The following MAGI2 variants were observed in gnomAD, a reference collection of about 807,000 sequenced individuals.
MAGI2 encodes membrane associated guanylate kinase, WW and PDZ domain containing 2, also known as membrane-associated guanylate kinase, WW and PDZ domain-containing protein 2.
MAGI2 carries 35 observed loss-of-function variants against 133.3 expected under a neutral mutation model. The observed-to-expected ratio is 0.26, with a 90% CI of 0.20 to 0.35. The LOEUF is 0.35. Ranked by LOEUF, MAGI2 falls within the 10% of genes least tolerant of loss-of-function variation. The pLI, the probability that MAGI2 is intolerant of heterozygous loss-of-function variation, is 1.00. For missense variants in MAGI2, 1,636 were observed against 1,863.4 expected (o/e 0.88, Z 2.25); for synonymous variants, 729 against 710.6 (o/e 1.03, Z -0.41).
chr7:78,201,010 T>C (rs1197525360), intron 11 of MAGI2, 152 bp downstream of exon 11: 2 of 564,644 alleles, frequency 3.5e-6, no homozygotes, highest in Non-Finnish European at 3.1e-6. Context: ...GTGGGACAGA[T>C]ACAAGACAAA....
At chr7:78,423,810 A>T (rs1277553802) in intron 6 of MAGI2, among the ~76,000 whole-genome samples, 2 of 152,190 alleles carry the variant, frequency 1.3e-5, no homozygotes, top group African/African-American at 2.4e-5. Context: ...GAGAGAGATG[A>T]TTTAGGATAT....
chr7:78,839,938 G>A (rs546734485), intron 2 of MAGI2, among the ~76,000 whole-genome samples: 1 of 152,146 alleles, frequency 6.6e-6, no homozygotes, highest in African/African-American at 2.4e-5. Context: ...AATTGTCAAA[G>A]ATGTCATTAA....
chr7:78,748,749 T>C (rs1444692588), intron 2 of MAGI2, among the ~76,000 whole-genome samples: 1 of 137,950 alleles, frequency 7.2e-6, no homozygotes, highest in African/African-American at 2.7e-5. Flanking sequence ...ATGAAAGATT[T>C]CAAATACATT....
chr7:78,071,631 G>C (rs953111496), intron 21 of MAGI2, among the ~76,000 whole-genome samples: 4 of 152,162 alleles, frequency 2.6e-5, no homozygotes, highest in Admixed American at 2.0e-4. Context: ...TCCTGGGGTT[G>C]CCTACATGCT....
At chr7:78,550,539 A>C (rs1799244938) in intron 3 of MAGI2, among the ~76,000 whole-genome samples, 1 of 152,204 alleles carries the variant, frequency 6.6e-6, no homozygotes, top group African/African-American at 2.4e-5. Flanking sequence ...AATAAGCCAG[A>C]CAGATAGAAG....
chr7:78,577,860 G>A (rs7794223), intron 3 of MAGI2, among the ~76,000 whole-genome samples: 13,530 of 152,092 alleles, frequency 0.089, 731 homozygotes, highest in African/African-American at 0.14. Context: ...TGATGGCTTA[G>A]CTTGGGCTCA....
intron 2 of MAGI2, among the ~76,000 whole-genome samples, chr7:78,954,274 GT>G (rs1276791599): frequency 6.6e-6 from 1 of 152,018 alleles, no homozygotes; most frequent in Non-Finnish European, 1.5e-5. Flanking sequence ...CATTTGGCAT[GT>G]TTCTGTAATA....
chr7:78,921,747 T>G (rs1799244958), intron 2 of MAGI2, among the ~76,000 whole-genome samples: 1 of 152,094 alleles, frequency 6.6e-6, no homozygotes, highest in Admixed American at 6.6e-5. Context: ...TTCTCATGCC[T>G]CAGCCTCCCG....
intron 2 of MAGI2, among the ~76,000 whole-genome samples, chr7:78,735,536 A>G (rs180783080): frequency 2.0e-5 from 3 of 152,322 alleles, no homozygotes; most frequent in Admixed American, 6.5e-5. Context: ...TCCTTGTTCC[A>G]TCTTAGAAAT....
rs149604397 is a variant in MAGI2 at position 78,401,031 on chromosome 7, C to A, written c.1046-31818G>T. ...TCTTACATGACAATTCACATGTCAG[C>A]TTCTATCTAGAATGGTTTCTTATTT... On this transcript the variant is annotated intron_variant, in intron 6 of 21. Coordinates refer to ENST00000354212, the MANE Select transcript of MAGI2 (RefSeq NM_012301.4). Among the ~76,000 whole-genome samples the A allele has an allele frequency of 2.4e-3, 364 of 151,382 alleles. 1 individual carries two copies. Among genetic ancestry groups the A allele is most frequent in the African/African-American group, 8.4e-3 (347 of 41,256 alleles).
intron 3 of MAGI2, among the ~76,000 whole-genome samples, chr7:78,579,300 G>A (rs549354649): frequency 3.3e-5 from 5 of 152,134 alleles, no homozygotes; most frequent in Non-Finnish European, 7.4e-5. Flanking sequence ...CATATCAGAT[G>A]GGTGAATGAA....
chr7:79,255,697 T>A (rs907914131), intron 1 of MAGI2, among the ~76,000 whole-genome samples: 1 of 152,072 alleles, frequency 6.6e-6, no homozygotes, highest in African/African-American at 2.4e-5. Flanking sequence ...GTCTGGTAAG[T>A]CACTGCCTGG....
chr7:78,893,689 A>G (rs1796963523), intron 2 of MAGI2, among the ~76,000 whole-genome samples: 1 of 150,170 alleles, frequency 6.7e-6, no homozygotes, highest in Admixed American at 6.6e-5. Flanking sequence ...ATGAGAACAC[A>G]TGGACACAGG....
At chr7:78,357,589 T>C (rs1368241639) in intron 7 of MAGI2, among the ~76,000 whole-genome samples, 3 of 152,234 alleles carry the variant, frequency 2.0e-5, no homozygotes, top group Non-Finnish European at 4.4e-5. Flanking sequence ...TCAACCTTCA[T>C]AGCTGAGTGT....
Position 78,706,234 on chromosome 7 carries a change from G to A in MAGI2, c.419-78995C>T, listed in dbSNP as rs565592169. Reference sequence around the variant, plus strand: ...CTGGGGGAGGTAACTGAATTATGGAGGCAGGTCTTTCCTGTGCTATTCTTG... The same window carrying A: ...CTGGGGGAGGTAACTGAATTATGGAAGCAGGTCTTTCCTGTGCTATTCTTG... On this transcript the variant is annotated intron_variant, in intron 2 of 21. Coordinates refer to ENST00000354212, the MANE Select transcript of MAGI2 (RefSeq NM_012301.4). Among the ~76,000 whole-genome samples the A allele has an allele frequency of 7.2e-5, 11 of 152,106 alleles. No individual in the cohort carries two copies. The South Asian group carries it at 2.3e-3, about 32-fold the overall frequency.
At chr7:79,142,524 T>C (rs1031549368) in intron 1 of MAGI2, among the ~76,000 whole-genome samples, 5 of 152,176 alleles carry the variant, frequency 3.3e-5, no homozygotes, top group Non-Finnish European at 7.4e-5. Flanking sequence ...GATGGGTGTA[T>C]TGAAAAACTG....
chr7:78,598,892 A>G (rs1804892713), intron 3 of MAGI2, among the ~76,000 whole-genome samples: 1 of 152,126 alleles, frequency 6.6e-6, no homozygotes, highest in South Asian at 2.1e-4. Flanking sequence ...TTGGAAGAAG[A>G]TGAGGAACTA....
chr7:78,017,450 T>C lies in MAGI2; in HGVS notation c.*1865A>G, dbSNP rs1430692980. ...ATACATGGAAAATAAAGTCAGAGGATACAGTACCAGGACGTGCAGCTACAC... is the reference window on the plus strand; with the variant it reads ...ATACATGGAAAATAAAGTCAGAGGACACAGTACCAGGACGTGCAGCTACAC... On this transcript the variant is annotated 3_prime_UTR_variant, in exon 22 of 22. Coordinates refer to ENST00000354212, the MANE Select transcript of MAGI2 (RefSeq NM_012301.4). 1 of 152,448 alleles carries C rather than the reference T, an allele frequency of 6.6e-6. No individual in the cohort carries two copies. Among genetic ancestry groups the C allele is most frequent in the Non-Finnish European group, 1.5e-5 (1 of 68,026 alleles). 9.4% of individuals were successfully genotyped at this position (152,448 alleles called of 1,614,324 possible). A position where few individuals can be genotyped will look rare whatever the true frequency, so the allele number is the denominator to read the frequency against.
intron 2 of MAGI2, among the ~76,000 whole-genome samples, chr7:78,636,439 T>C (rs953400264): frequency 3.3e-5 from 5 of 151,440 alleles, no homozygotes; most frequent in Non-Finnish European, 7.4e-5. Flanking sequence ...CATCAATTAC[T>C]GTTTTAAATT....
Sources: allele counts gnomAD v4.1 joint callset (sites outside exome capture counted in the v4.1 genomes callset), GRCh38; gene constraint gnomAD v4.1.1; transcripts MANE v1.5; gene names NCBI Gene and HGNC (gene_info 2026-07-23, HGNC 2026-07-21).